ZNF695: variants seen among roughly 807,000 people sequenced by gnomAD.
ZNF695 encodes zinc finger protein SBZF3.
A neutral mutation model predicts 11.2 loss-of-function variants in ZNF695; 11 were observed. The observed-to-expected ratio is 0.98, with a 90% CI of 0.62 to 1.62. The LOEUF (loss-of-function observed/expected upper bound fraction) is 1.62, where lower values mean the gene tolerates loss of function less well. ZNF695 is among the 40% of genes most tolerant of loss of function. The probability of loss-of-function intolerance (pLI) is 0.00; values close to 1 mark genes in which losing one functional copy is unlikely to be tolerated. For synonymous variants in ZNF695, 190 were observed against 201.4 expected, an observed-to-expected ratio of 0.94 and a Z score of 0.48; for missense variants, 559 against 590.5, an observed-to-expected ratio of 0.95 and a Z score of 0.55.
rs78509692 is a variant in ZNF695 at position 246,978,163 on chromosome 1, C to T, written c.390+9962G>A. Among the ~76,000 whole-genome samples, 734 of 152,206 alleles carry T rather than the reference C, an allele frequency of 4.8e-3. 8 individuals carry two copies. The highest frequency in any genetic ancestry group is 0.017 in the African/African-American group (707 of 41,526). On this transcript the variant is annotated intron_variant, in intron 4 of 5. Transcript: ENST00000487338. ...GCTGCTACCTGTACTATCATGAGTT[C>T]TGACAAAAAGGCTATTTACATTGTG...
intron 3 of ZNF695, chr1:246,995,974 G>T: frequency 2.2e-6 from 1 of 446,596 alleles, no homozygotes. Flanking sequence ...CATATTTATT[G>T]CAACATTATT....
chr1:246,993,440 A>C (rs1193465655), intron 3 of ZNF695, among the ~76,000 whole-genome samples: 12 of 151,992 alleles, frequency 7.9e-5, no homozygotes, highest in Admixed American at 7.2e-4. Context: ...ACAAAAAAAA[A>C]CACCATTCCA....
At chr1:246,979,849 A>G (rs902564179) in intron 4 of ZNF695, 1 of 152,764 alleles carries the variant, frequency 6.5e-6, no homozygotes, top group Non-Finnish European at 1.5e-5. Context: ...CCTTATATTT[A>G]TAGAAGCCTT....
intron 3 of ZNF695, among the ~76,000 whole-genome samples, chr1:246,998,554 C>G (rs1399005249): frequency 6.6e-6 from 1 of 152,170 alleles, no homozygotes; most frequent in East Asian, 1.9e-4. Context: ...GAAATCTCCA[C>G]AGGGTAAGTC....
intron 5 of ZNF695, among the ~76,000 whole-genome samples, chr1:246,948,340 C>G (rs541916623): frequency 3.5e-4 from 54 of 152,296 alleles, no homozygotes; most frequent in Non-Finnish European, 6.3e-4. Context: ...TCCCAAAGTG[C>G]TGGGATTACA....
chr1:246,964,159 C>T (rs893420585), intron 5 of ZNF695, among the ~76,000 whole-genome samples: 6 of 152,114 alleles, frequency 3.9e-5, no homozygotes, highest in African/African-American at 1.4e-4. Context: ...GCGTGTTCAG[C>T]AGCCCGGAAG....
intron 5 of ZNF695, among the ~76,000 whole-genome samples, chr1:246,963,383 G>A (rs1179982502): frequency 1.3e-5 from 2 of 152,106 alleles, no homozygotes; most frequent in African/African-American, 4.8e-5. Flanking sequence ...GCTAGGAACT[G>A]GAGACCAGCC....
intron 3 of ZNF695, among the ~76,000 whole-genome samples, chr1:246,995,813 C>CAAAA (rs60375785): frequency 2.4e-3 from 159 of 66,420 alleles, no homozygotes; most frequent in Non-Finnish European, 3.3e-3. Flanking sequence ...GACTCTGTCT[C>CAAAA]AAAAAAAAAA....
chr1:246,981,773 A>G (rs574822960), downstream of ZNF695, among the ~76,000 whole-genome samples: 1 of 152,258 alleles, frequency 6.6e-6, no homozygotes, highest in East Asian at 1.9e-4. Context: ...GAAACACAGA[A>G]AACAATTTAG....
intron 5 of ZNF695, among the ~76,000 whole-genome samples, chr1:246,953,899 C>T (rs1355476992): frequency 2.0e-5 from 3 of 149,550 alleles, no homozygotes; most frequent in Non-Finnish European, 4.4e-5. Context: ...GCACTCCAGC[C>T]TGGGCGACAG....
At chr1:246,945,849 A>G (rs760201635) in intron 5 of ZNF695, 1 of 1,549,688 alleles carries the variant, frequency 6.5e-7, no homozygotes, top group Admixed American at 2.0e-5. Context: ...AAAGAAAGAA[A>G]AGCAGCTTAA....
intron 1 of ZNF695, 140 bp downstream of exon 1, chr1:247,007,766 G>A (rs963386493): frequency 4.1e-6 from 4 of 980,448 alleles, no homozygotes; most frequent in Non-Finnish European, 5.5e-6. Context: ...TGAGGGCCGA[G>A]CTGCGCCAGC....
intron 3 of ZNF695, chr1:246,996,287 G>A (rs931655061): frequency 2.7e-5 from 7 of 256,526 alleles, no homozygotes; most frequent in Admixed American, 5.2e-5. Context: ...TCTGGAAGGT[G>A]GAGGCTGCAG....
intron 4 of ZNF695, among the ~76,000 whole-genome samples, chr1:246,973,296 G>A (rs1410499975): frequency 2.6e-5 from 4 of 152,010 alleles, no homozygotes; most frequent in African/African-American, 7.2e-5. Context: ...TGATCTGCCC[G>A]CCTCAACCTC....
At chr1:246,974,017 A>G (rs1668492517) in intron 4 of ZNF695, among the ~76,000 whole-genome samples, 1 of 152,178 alleles carries the variant, frequency 6.6e-6, no homozygotes, top group Admixed American at 6.5e-5. Flanking sequence ...ATTATTAATT[A>G]TTTTAAGTAT....
intron 5 of ZNF695, among the ~76,000 whole-genome samples, chr1:246,947,053 T>C (rs1667752321): frequency 6.9e-6 from 1 of 144,234 alleles, no homozygotes; most frequent in East Asian, 2.1e-4. Context: ...GGCAGGAGAA[T>C]GGCATGAACT....
Position 246,986,793 on chromosome 1 carries a change from T to A in ZNF695, c.*174A>T. ...TAAGTGGAGGTGTTGAACCGGTCTA[T>A]TTGTATTGTTCGTAGCCTAAACATT... On this transcript the variant is annotated 3_prime_UTR_variant, in exon 4 of 4. Coordinates refer to ENST00000339986, the MANE Select transcript of ZNF695 (RefSeq NM_020394.5). 1 of 1,378,226 alleles carries A rather than the reference T, an allele frequency of 7.3e-7. No homozygotes were observed. The highest frequency in any genetic ancestry group is 9.3e-7 in the Non-Finnish European group (1 of 1,071,718). The allele number at this position is 1,378,226 out of a possible 1,614,324, so 85.4% of individuals were successfully genotyped here.
chr1:246,966,613 T>C (rs1422501420), intron 5 of ZNF695, among the ~76,000 whole-genome samples: 1 of 152,150 alleles, frequency 6.6e-6, no homozygotes, highest in Admixed American at 6.5e-5. Flanking sequence ...AGCATGAACC[T>C]GTCTCTACAA....
chr1:246,950,149 T>A (rs1030520857), intron 5 of ZNF695, among the ~76,000 whole-genome samples: 14 of 152,188 alleles, frequency 9.2e-5, no homozygotes, highest in Admixed American at 7.2e-4. Context: ...AAGGAGAATA[T>A]GTTTCCCCAC....
Sources: gnomAD v4.1 joint callset for allele counts (sites outside exome capture counted in the v4.1 genomes callset) on GRCh38, gnomAD v4.1.1 for gene constraint, MANE v1.5 for transcripts, NCBI Gene and HGNC (gene_info 2026-07-23, HGNC 2026-07-21) for gene names.